Variants in AJAP1 observed in about 807,000 individuals in gnomAD.
AJAP1 encodes adherens junctions associated protein 1.
A neutral mutation model predicts 35.0 loss-of-function variants in AJAP1; 5 were observed. The observed-to-expected ratio is 0.14, with a 90% CI of 0.07 to 0.30. The LOEUF is 0.30. Ranked by LOEUF, AJAP1 falls within the 10% of genes least tolerant of loss-of-function variation. AJAP1 has a pLI of 1.00. For missense variants in AJAP1, 586 were observed against 571.0 expected (o/e 1.03, Z -0.27); for synonymous variants, 284 against 249.3 (o/e 1.14, Z -1.31).
intron 1 of AJAP1, among the ~76,000 whole-genome samples, chr1:4,688,073 C>T (rs537050297): frequency 2.6e-5 from 4 of 152,146 alleles, no homozygotes; most frequent in Non-Finnish European, 5.9e-5. Context: ...GGCTGGAGGA[C>T]GCAGCAGTGG....
intron 1 of AJAP1, among the ~76,000 whole-genome samples, chr1:4,690,496 G>A (rs1023489783): frequency 5.9e-5 from 9 of 152,352 alleles, no homozygotes; most frequent in South Asian, 2.1e-4. Context: ...GCTGCAGTAC[G>A]GGAGAGGGGA....
At chr1:4,743,209 T>G (rs533295050) in intron 2 of AJAP1, among the ~76,000 whole-genome samples, 2 of 152,168 alleles carry the variant, frequency 1.3e-5, no homozygotes, top group African/African-American at 2.4e-5. Context: ...CAGAGTGATT[T>G]TGGCTCTTTC....
At chr1:4,668,872 A>T (rs1639193414) in intron 1 of AJAP1, among the ~76,000 whole-genome samples, 1 of 152,224 alleles carries the variant, frequency 6.6e-6, no homozygotes, top group Non-Finnish European at 1.5e-5. Context: ...GAAGTCCATG[A>T]CAATTCCTTA....
intron 1 of AJAP1, among the ~76,000 whole-genome samples, chr1:4,670,513 A>T (rs1639228763): frequency 6.6e-6 from 1 of 152,180 alleles, no homozygotes; most frequent in South Asian, 2.1e-4. Context: ...CCACCCATGT[A>T]CGGTGAACTG....
At position 4,788,259 on chromosome 1, in the gene AJAP1, A is replaced by G. The variant is rs1202961511; in HGVS notation, c.*5774A>G. The G allele has an allele frequency of 6.3e-6, 1 of 159,246 alleles. No homozygotes were observed. Among genetic ancestry groups the G allele is most frequent in the Non-Finnish European group, 1.4e-5 (1 of 72,688 alleles). 9.9% of individuals were successfully genotyped at this position (159,246 alleles called of 1,614,324 possible). A position where few individuals can be genotyped will look rare whatever the true frequency, so the allele number is the denominator to read the frequency against. ...CTACCAGCCCTTCCTTCCAAAGAGC[A>G]TGAAGCATGGCTCTGTGTGGTTTTG... On this transcript the variant is annotated 3_prime_UTR_variant, in exon 6 of 6. Coordinates refer to ENST00000378191, the MANE Select transcript of AJAP1 (RefSeq NM_018836.4).
Position 4,656,670 on chromosome 1 carries a change from G to C in AJAP1, c.29+1216G>C, listed in dbSNP as rs896121323. ...GACCCTTGATTTATGAGCCGATTCT[G>C]CTCCCAGAGGTGAATACTGTGTAAC... On this transcript the variant is annotated intron_variant, in intron 1 of 5. Coordinates refer to ENST00000378191, the MANE Select transcript of AJAP1 (RefSeq NM_018836.4). The surrounding 1 kb of genome is among the most constrained non-coding windows in gnomAD (Gnocchi z 5.7). Among the ~76,000 whole-genome samples the C allele has an allele frequency of 1.3e-5, 2 of 152,204 alleles. No homozygotes were observed. Among genetic ancestry groups the C allele is most frequent in the African/African-American group, 4.8e-5 (2 of 41,472 alleles).
rs1642149161 is a variant in AJAP1 at position 4,785,665 on chromosome 1, A to C, written c.*3180A>C. The C allele has an allele frequency of 6.6e-6, 1 of 152,156 alleles. No homozygotes were observed. The highest frequency in any genetic ancestry group is 1.5e-5 in the Non-Finnish European group (1 of 68,058). 9.4% of individuals were successfully genotyped at this position (152,156 alleles called of 1,614,324 possible). A position where few individuals can be genotyped will look rare whatever the true frequency, so the allele number is the denominator to read the frequency against. ...CAGCCTTGGGGCAGTGTTTCAAGCTAGTTGGTGTCCTCTTTCCTCTGCTTG... is the reference window on the plus strand; with the variant it reads ...CAGCCTTGGGGCAGTGTTTCAAGCTCGTTGGTGTCCTCTTTCCTCTGCTTG... On this transcript the variant is annotated 3_prime_UTR_variant, in exon 6 of 6. Transcript: ENST00000378191.
At chr1:4,740,377 G>A (rs1641029910) in intron 2 of AJAP1, among the ~76,000 whole-genome samples, 1 of 152,212 alleles carries the variant, frequency 6.6e-6, no homozygotes, top group African/African-American at 2.4e-5. Context: ...GATGGGGAGT[G>A]AGTGTTGATG....
intron 2 of AJAP1, among the ~76,000 whole-genome samples, chr1:4,737,692 A>T (rs185536199): frequency 3.9e-5 from 6 of 152,348 alleles, no homozygotes; most frequent in Non-Finnish European, 8.8e-5. Context: ...CCAGGAATCA[A>T]GACTAGCCTG....
chr1:4,707,039 G>A (rs1187309308), intron 1 of AJAP1, among the ~76,000 whole-genome samples: 1 of 151,974 alleles, frequency 6.6e-6, no homozygotes, highest in Non-Finnish European at 1.5e-5. Context: ...GGGTGTGGAT[G>A]TGGTCCTCAG....
intron 2 of AJAP1, among the ~76,000 whole-genome samples, chr1:4,741,444 A>G (rs1041535050): frequency 6.6e-6 from 1 of 152,074 alleles, no homozygotes; most frequent in African/African-American, 2.4e-5. Flanking sequence ...CTCTTTCCCT[A>G]CGGCCCTGTG....
rs938939853 is a variant in AJAP1 at position 4,782,176 on chromosome 1, A to G, written c.*60-369A>G. ...GAGTGAGAGCAGGGCTGCCACACGC[A>G]GGCCCCCTGACATGCACGCCTGGGA... On this transcript the variant is annotated intron_variant, in intron 5 of 5. Coordinates refer to ENST00000378191, the MANE Select transcript of AJAP1 (RefSeq NM_018836.4). This position sits in a 1 kb window ranked among gnomAD's most constrained non-coding sequence, Gnocchi z 5.3. 1.3e-5 allele frequency among the ~76,000 whole-genome samples: 2 copies of G among 152,164 alleles called. No homozygotes were observed. Among genetic ancestry groups the G allele is most frequent in the Non-Finnish European group, 2.9e-5 (2 of 68,028 alleles).
chr1:4,755,431 G>A (rs1641406826), intron 2 of AJAP1, among the ~76,000 whole-genome samples: 1 of 151,956 alleles, frequency 6.6e-6, no homozygotes, highest in Non-Finnish European at 1.5e-5. Context: ...CCCTCCTGCT[G>A]GCTCTGTTGA....
chr1:4,690,854 C>T (rs2100225988), intron 1 of AJAP1, among the ~76,000 whole-genome samples: 1 of 152,304 alleles, frequency 6.6e-6, no homozygotes, highest in South Asian at 2.1e-4. Flanking sequence ...TGCCTGAGTC[C>T]ACCTGACTTC....
At chr1:4,657,786 G>C (rs1441634658) in intron 1 of AJAP1, among the ~76,000 whole-genome samples, 1 of 152,056 alleles carries the variant, frequency 6.6e-6, no homozygotes, top group African/African-American at 2.4e-5. Context: ...GGTTATTTAC[G>C]TCTGTGTTGG....
chr1:4,666,655 G>A (rs1389623712), intron 1 of AJAP1, among the ~76,000 whole-genome samples: 2 of 142,510 alleles, frequency 1.4e-5, no homozygotes, highest in Non-Finnish European at 3.1e-5. Context: ...CGGAGAGCGG[G>A]CCTGTGATTC....
chr1:4,675,461 G>A (rs1215413095), intron 1 of AJAP1, among the ~76,000 whole-genome samples: 1 of 152,202 alleles, frequency 6.6e-6, no homozygotes, highest in Non-Finnish European at 1.5e-5. Flanking sequence ...TGCCAGCCGG[G>A]GAAGCCCCTG....
intron 1 of AJAP1, among the ~76,000 whole-genome samples, chr1:4,664,215 C>A (rs565222729): frequency 6.6e-6 from 1 of 152,286 alleles, no homozygotes; most frequent in African/African-American, 2.4e-5. Context: ...GCCTCTGAAC[C>A]GTTACATCCT....
At chr1:4,661,310 C>T (rs954974045) in intron 1 of AJAP1, among the ~76,000 whole-genome samples, 1 of 152,224 alleles carries the variant, frequency 6.6e-6, no homozygotes, top group African/African-American at 2.4e-5. Flanking sequence ...TTTCCTAAGC[C>T]AGGCTTTGTG....
Sources: gnomAD v4.1 joint callset for allele counts (sites outside exome capture counted in the v4.1 genomes callset) on GRCh38, gnomAD v4.1.1 for gene constraint, Gnocchi (gnomAD v3.1) non-coding constraint, MANE v1.5 for transcripts, NCBI Gene and HGNC (gene_info 2026-07-23, HGNC 2026-07-21) for gene names.